Variants in FOCAD observed in about 807,000 individuals in gnomAD.
FOCAD encodes focadhesin.
Under a neutral mutation model 225.6 loss-of-function variants are expected in FOCAD, and 198 were observed. The observed-to-expected ratio is 0.88, with a 90% CI of 0.78 to 0.99. FOCAD has a LOEUF of 0.99. Ranked by LOEUF, FOCAD falls within the 50% of genes least tolerant of loss-of-function variation. The pLI is 0.00. For synonymous variants in FOCAD, 897 were observed against 755.0 expected (o/e 1.19, Z -3.08); for missense variants, 2,713 against 2,123.6 (o/e 1.28, Z -5.46).
chr9:20,938,493 A>G (rs1039474493), intron 28 of FOCAD, among the ~76,000 whole-genome samples: 4 of 150,198 alleles, frequency 2.7e-5, no homozygotes, highest in Non-Finnish European at 5.9e-5. Context: ...AAAACCAAAC[A>G]CCACATGTTC....
upstream of FOCAD, among the ~76,000 whole-genome samples, chr9:20,656,242 A>G (rs1204245640): frequency 1.3e-5 from 2 of 151,198 alleles, no homozygotes; most frequent in Non-Finnish European, 3.0e-5. Flanking sequence ...GCTGAAAAAA[A>G]TGTATATTCT....
At chr9:20,962,026 T>C (rs1838777606) in intron 35 of FOCAD, among the ~76,000 whole-genome samples, 1 of 152,188 alleles carries the variant, frequency 6.6e-6, no homozygotes, top group Admixed American at 6.5e-5. Context: ...TTCCCACTAA[T>C]AGGCAATGCT....
At chr9:20,788,105 G>T (rs1056301290) in intron 10 of FOCAD, among the ~76,000 whole-genome samples, 2 of 152,128 alleles carry the variant, frequency 1.3e-5, no homozygotes, top group Non-Finnish European at 2.9e-5. Flanking sequence ...ACAATATAGT[G>T]TATCCATACA....
At position 20,946,818 on chromosome 9, in the gene FOCAD, C is replaced by T. The variant is rs1837230765; in HGVS notation, c.3673C>T (p.Gln1225Ter). 1 of 1,613,114 alleles carries T rather than the reference C, an allele frequency of 6.2e-7. No homozygotes were observed. The highest frequency in any genetic ancestry group is 1.1e-5 in the South Asian group (1 of 91,034). The change falls in exon 30 of 44, where the codon CAG becomes TAG. Residue 1225 changes from glutamine to a stop codon, truncating the protein, a stop_gained and splice_region_variant. Transcript: ENST00000338382. LOFTEE classifies it high-confidence loss of function. ...KLRLLVENSQQTSGFALALGN... is the reference protein window; with the variant it reads ...KLRLLVENSQ ...TCGACTGTTAGTGGAGAATAGCCAG[C>T]AGGTTGGAACGTGTGCCCTGATTAT... is the stretch of plus-strand genomic sequence containing the variant.
intron 16 of FOCAD, chr9:20,863,597 G>C (rs1165843003): frequency 6.6e-6 from 1 of 151,998 alleles, no homozygotes; most frequent in East Asian, 1.9e-4. Flanking sequence ...GAATATTTTA[G>C]TTTATTCTTA....
chr9:20,810,732 A>G (rs1262575748), intron 11 of FOCAD, among the ~76,000 whole-genome samples: 1 of 152,046 alleles, frequency 6.6e-6, no homozygotes, highest in African/African-American at 2.4e-5. Flanking sequence ...ACTCTGAGAG[A>G]TAATAGTCAG....
At chr9:20,818,978 G>A (rs970736089) in intron 11 of FOCAD, among the ~76,000 whole-genome samples, 5 of 152,196 alleles carry the variant, frequency 3.3e-5, no homozygotes, top group Non-Finnish European at 7.4e-5. Flanking sequence ...TCTTAACAAT[G>A]TTATGTCTTC....
intron 39 of FOCAD, among the ~76,000 whole-genome samples, 189 bp downstream of exon 39, chr9:20,982,635 T>C (rs777070424): frequency 3.3e-5 from 5 of 152,172 alleles, no homozygotes; most frequent in Non-Finnish European, 7.3e-5. Flanking sequence ...GCTTAACAAA[T>C]GTTGTATGGA....
At position 20,907,925 on chromosome 9, in the gene FOCAD, C is replaced by T. The variant is rs1264411068; in HGVS notation, c.2718+683C>T. Among the ~76,000 whole-genome samples, 5 of 152,174 alleles carry T rather than the reference C, an allele frequency of 3.3e-5. No individual in the cohort carries two copies. The South Asian group carries it at 1.0e-3, about 32-fold the overall frequency. On this transcript the variant is annotated intron_variant, in intron 22 of 43. Coordinates refer to ENST00000338382, the MANE Select transcript of FOCAD (RefSeq NM_001375567.1). Reference sequence around the variant, plus strand: ...TATCATGTTAGTTATTTGGCGAGGACTTCCAGTTGTCTCTGTACTCCTAAG... The same window carrying T: ...TATCATGTTAGTTATTTGGCGAGGATTTCCAGTTGTCTCTGTACTCCTAAG...
intron 11 of FOCAD, among the ~76,000 whole-genome samples, chr9:20,796,341 T>G (rs993228440): frequency 5.3e-5 from 8 of 152,318 alleles, no homozygotes; most frequent in Non-Finnish European, 7.4e-5. Context: ...GTAATGGGAT[T>G]GCTGGGTCAA....
At chr9:20,680,927 A>G (rs1822381781), upstream of FOCAD, among the ~76,000 whole-genome samples, 1 of 152,140 alleles carries the variant, frequency 6.6e-6, no homozygotes, top group African/African-American at 2.4e-5. Context: ...TGAGCTCAGG[A>G]GGTGAGGCTG....
At chr9:20,978,514 A>G in intron 37 of FOCAD, 60 bp downstream of exon 37, 2 of 1,165,818 alleles carry the variant, frequency 1.7e-6, no homozygotes, top group African/African-American at 1.5e-5. Context: ...GAGGATATTA[A>G]CATTCATTTG....
At chr9:20,850,097 A>G (rs1032562502) in intron 15 of FOCAD, among the ~76,000 whole-genome samples, 8 of 151,802 alleles carry the variant, frequency 5.3e-5, no homozygotes, top group African/African-American at 1.9e-4. Context: ...AATCATAACA[A>G]TGATGCAACT....
intron 15 of FOCAD, among the ~76,000 whole-genome samples, chr9:20,824,799 G>C (rs1302827528): frequency 1.3e-5 from 2 of 152,020 alleles, no homozygotes; most frequent in Non-Finnish European, 2.9e-5. Flanking sequence ...AATTAGTTAA[G>C]TTCATTTTAT....
At chr9:20,823,350 T>A (rs1387476049) in intron 15 of FOCAD, among the ~76,000 whole-genome samples, 1 of 152,054 alleles carries the variant, frequency 6.6e-6, no homozygotes, top group East Asian at 1.9e-4. Context: ...AGACTTAAGA[T>A]TTTTCTTTCT....
chr9:20,938,649 C>T (rs1452237518), intron 28 of FOCAD, among the ~76,000 whole-genome samples: 1 of 151,976 alleles, frequency 6.6e-6, no homozygotes, highest in African/African-American at 2.4e-5. Flanking sequence ...TTAATGGGTA[C>T]AGCACACCAA....
chr9:20,659,844 G>A (rs1440793147), intron 2 of FOCAD, among the ~76,000 whole-genome samples: 1 of 152,228 alleles, frequency 6.6e-6, no homozygotes, highest in Non-Finnish European at 1.5e-5. Context: ...GTCTAGGCAA[G>A]AGATGGGAAG....
Position 20,990,248 on chromosome 9 carries a change from G to A in FOCAD, c.5130G>A (p.Gly1710=). 1 of 1,614,188 alleles carries A rather than the reference G, an allele frequency of 6.2e-7. No homozygotes were observed. The highest frequency in any genetic ancestry group is 8.5e-7 in the Non-Finnish European group (1 of 1,180,032). ...LPWHQENGPA[G]PVPSFLGRSP... is the part of the protein sequence containing the mutation. ...GGCATCAGGAGAATGGCCCGGCTGGGCCAGTACCAAGCTTCCTTGGCAGGA... is the reference window on the plus strand; with the variant it reads ...GGCATCAGGAGAATGGCCCGGCTGGACCAGTACCAAGCTTCCTTGGCAGGA... The change falls in exon 42 of 44, where the codon GGG becomes GGA. Residue 1710 remains glycine (G), a synonymous_variant. Coordinates refer to ENST00000338382, the MANE Select transcript of FOCAD (RefSeq NM_001375567.1).
chr9:20,765,191 C>T (rs1467653949), intron 7 of FOCAD, 118 bp downstream of exon 7: 1 of 790,242 alleles, frequency 1.3e-6, no homozygotes, highest in African/African-American at 1.8e-5. Flanking sequence ...GATCCTCGCT[C>T]TAGAAATGCT....
Sources: allele counts gnomAD v4.1 joint callset (sites outside exome capture counted in the v4.1 genomes callset), GRCh38; gene constraint gnomAD v4.1.1; transcripts MANE v1.5; gene names NCBI Gene and HGNC (gene_info 2026-07-23, HGNC 2026-07-21).